Variants in LRRC28 observed in about 807,000 individuals in gnomAD.
The protein encoded by LRRC28 is leucine rich repeat containing 28, also known as leucine-rich repeat-containing protein 28.
LRRC28 carries 39 observed loss-of-function variants against 45.7 expected under a neutral mutation model. The observed-to-expected ratio is 0.85, with a 90% CI of 0.66 to 1.12. The LOEUF is 1.12. Among genes scored for constraint, LRRC28 ranks in the 50% most tolerant of loss-of-function variants. LRRC28 has a pLI of 0.00. For missense variants in LRRC28, 435 were observed against 438.5 expected, an observed-to-expected ratio of 0.99 and a Z score of 0.07; for synonymous variants, 206 against 178.8, an observed-to-expected ratio of 1.15 and a Z score of -1.22.
At chr15:99,293,348 C>T (rs1179345802) in intron 5 of LRRC28, among the ~76,000 whole-genome samples, 1 of 151,972 alleles carries the variant, frequency 6.6e-6, no homozygotes, top group East Asian at 1.9e-4. Context: ...AATCCCAACA[C>T]TTTGGGAGGC....
chr15:99,263,286 G>A (rs1162893353), intron 2 of LRRC28, among the ~76,000 whole-genome samples: 6 of 140,932 alleles, frequency 4.3e-5, no homozygotes, highest in Admixed American at 3.0e-4. Flanking sequence ...GCCACTCCAC[G>A]CCAGCCTGGG....
chr15:99,304,347 A>G (rs1289445769), intron 5 of LRRC28, among the ~76,000 whole-genome samples: 1 of 151,866 alleles, frequency 6.6e-6, no homozygotes, highest in Non-Finnish European at 1.5e-5. Flanking sequence ...CGGTTTGTGT[A>G]TTTTTTTAAT....
intron 5 of LRRC28, among the ~76,000 whole-genome samples, chr15:99,305,847 A>T (rs147206908): frequency 6.6e-6 from 1 of 152,312 alleles, no homozygotes; most frequent in East Asian, 1.9e-4. Flanking sequence ...CTCTACATAA[A>T]GTATGTTAGT....
At chr15:99,317,312 A>G (rs899685034) in intron 5 of LRRC28, among the ~76,000 whole-genome samples, 1 of 152,206 alleles carries the variant, frequency 6.6e-6, no homozygotes, top group South Asian at 2.1e-4. Context: ...CTTTCTTTAC[A>G]TGTTCTATGA....
intron 1 of LRRC28, among the ~76,000 whole-genome samples, chr15:99,253,700 C>G (rs895528693): frequency 6.6e-6 from 1 of 152,170 alleles, no homozygotes; most frequent in Admixed American, 6.5e-5. Flanking sequence ...ATTGGATGTA[C>G]ATTTTTAAAG....
intron 5 of LRRC28, among the ~76,000 whole-genome samples, chr15:99,319,891 C>T (rs910586767): frequency 6.6e-6 from 1 of 151,950 alleles, no homozygotes; most frequent in Non-Finnish European, 1.5e-5. Flanking sequence ...GCAACCTCTG[C>T]CTCCTGGGTT....
chr15:99,317,415 G>A (rs1955637139), intron 5 of LRRC28: 1 of 152,184 alleles, frequency 6.6e-6, no homozygotes, highest in Non-Finnish European at 1.5e-5. Flanking sequence ...ATATGCTAAT[G>A]TGTATTACAG....
At chr15:99,352,738 G>A (rs946427094) in intron 7 of LRRC28, among the ~76,000 whole-genome samples, 1 of 152,094 alleles carries the variant, frequency 6.6e-6, no homozygotes, top group Non-Finnish European at 1.5e-5. Context: ...CTTTATTGAG[G>A]TAGAGTTGAC....
chr15:99,257,315 G>T (rs75540530), intron 2 of LRRC28, among the ~76,000 whole-genome samples: 1 of 151,996 alleles, frequency 6.6e-6, no homozygotes, highest in African/African-American at 2.4e-5. Flanking sequence ...TCATCATCCC[G>T]TGCTATGAAA....
intron 3 of LRRC28, among the ~76,000 whole-genome samples, chr15:99,281,929 G>C (rs12911768): frequency 0.77 from 117,305 of 151,932 alleles, 45,264 homozygotes; most frequent in Middle Eastern, 0.86. Flanking sequence ...TGATTTTCAG[G>C]TGCTTTTTGC....
intron 6 of LRRC28, among the ~76,000 whole-genome samples, chr15:99,345,447 C>T (rs1956649122): frequency 6.6e-6 from 1 of 152,012 alleles, no homozygotes; most frequent in Non-Finnish European, 1.5e-5. Flanking sequence ...TTTTCATCTA[C>T]CTGTTGGCCT....
At position 99,266,387 on chromosome 15, in the gene LRRC28, C is replaced by A. The variant is rs575469481; in HGVS notation, c.169-10189C>A. On this transcript the variant is annotated intron_variant, in intron 2 of 9. Transcript: ENST00000301981. The stretch of plus-strand genomic sequence containing the variant: ...ATGAACACCTAGCCAGGCATCGAGG[C>A]ATACCAGCTACTTGGCTGAGATGAG... 1.7e-3 allele frequency among the ~76,000 whole-genome samples: 261 copies of A among 152,134 alleles called. 3 individuals carry two copies. The highest frequency in any genetic ancestry group is 6.1e-3 in the African/African-American group (254 of 41,520).
intron 9 of LRRC28, among the ~76,000 whole-genome samples, chr15:99,365,308 T>C (rs1003408478): frequency 1.3e-5 from 2 of 152,268 alleles, no homozygotes; most frequent in African/African-American, 2.4e-5. Context: ...ATCAAGTACA[T>C]AGGACTAAGG....
At chr15:99,297,068 C>T (rs528060784) in intron 5 of LRRC28, among the ~76,000 whole-genome samples, 37 of 151,382 alleles carry the variant, frequency 2.4e-4, no homozygotes, top group African/African-American at 8.7e-4. Context: ...GTAATCCCAG[C>T]TATTCCGGAG....
chr15:99,342,086 T>C (rs1956534033), intron 6 of LRRC28, among the ~76,000 whole-genome samples: 1 of 152,226 alleles, frequency 6.6e-6, no homozygotes, highest in South Asian at 2.1e-4. Flanking sequence ...GGATCTTCTC[T>C]GAAGGAATTC....
chr15:99,390,243 A>G lies in LRRC28; in HGVS notation c.*4141A>G, dbSNP rs1958144966. 6.6e-6 allele frequency: 1 copy of G among 152,262 alleles called. No homozygotes were observed. 9.4% of individuals were successfully genotyped at this position (152,262 alleles called of 1,614,324 possible). ...GGAATTGATCATAGCCAAGTGACTG[A>G]CATTCTCTCGGTCAGGAAAAGAGCT... On this transcript the variant is annotated 3_prime_UTR_variant, in exon 10 of 10. Transcript: ENST00000301981.
chr15:99,259,161 A>T (rs2081116586), intron 2 of LRRC28: 1 of 1,291,840 alleles, frequency 7.7e-7, no homozygotes, highest in African/African-American at 1.5e-5. Context: ...CAGTCTTCTC[A>T]TCATCCAGCT....
Position 99,277,409 on chromosome 15 carries a change from G to A in LRRC28, c.209+793G>A, listed in dbSNP as rs578160542. On this transcript the variant is annotated intron_variant, in intron 3 of 9. Coordinates refer to ENST00000301981, the MANE Select transcript of LRRC28 (RefSeq NM_144598.5). The stretch of plus-strand genomic sequence containing the variant: ...TAAATTTAACCAATTTTGACATTTT[G>A]CAACATTTGCTTTCTCTTTCCCTTT... Among the ~76,000 whole-genome samples, 9 of 152,044 alleles carry A rather than the reference G, an allele frequency of 5.9e-5. No individual in the cohort carries two copies. The South Asian group carries it at 1.5e-3, about 25-fold the overall frequency.
intron 5 of LRRC28, among the ~76,000 whole-genome samples, chr15:99,312,523 A>AT (rs1045788771): frequency 2.0e-5 from 3 of 152,078 alleles, no homozygotes; most frequent in Non-Finnish European, 2.9e-5. Flanking sequence ...TTTACAATTA[A>AT]TTTTTTTTAT....
Sources: allele counts gnomAD v4.1 joint callset (sites outside exome capture counted in the v4.1 genomes callset), GRCh38; gene constraint gnomAD v4.1.1; transcripts MANE v1.5; gene names NCBI Gene and HGNC (gene_info 2026-07-23, HGNC 2026-07-21).